CSMD3: variants seen among roughly 807,000 people sequenced by gnomAD.
CSMD3 encodes the protein CUB and Sushi multiple domains 3.
CSMD3 carries 177 observed loss-of-function variants against 435.2 expected under a neutral mutation model. The ratio of observed to expected loss-of-function variants is 0.41; its 90% CI spans 0.36 to 0.46. The LOEUF (loss-of-function observed/expected upper bound fraction) is 0.46. Ranked by LOEUF, CSMD3 falls within the 20% of genes least tolerant of loss-of-function variation. CSMD3 has a pLI of 0.34. For missense variants in CSMD3, 4,265 were observed against 4,504.6 expected, an observed-to-expected ratio of 0.95 and a Z score of 1.52; for synonymous variants, 1,656 against 1,520.5, an observed-to-expected ratio of 1.09 and a Z score of -2.07.
At chr8:112,701,244 T>C (rs1247365896) in intron 13 of CSMD3, among the ~76,000 whole-genome samples, 5 of 152,174 alleles carry the variant, frequency 3.3e-5, no homozygotes, top group Non-Finnish European at 7.4e-5. Flanking sequence ...AACATGGATG[T>C]AATTTCCAGG....
At chr8:112,501,624 G>A (rs971995786) in intron 30 of CSMD3, among the ~76,000 whole-genome samples, 1 of 151,962 alleles carries the variant, frequency 6.6e-6, no homozygotes, top group Non-Finnish European at 1.5e-5. Context: ...AGAATAATTC[G>A]GCAATACAGA....
In CSMD3 at chr8:112,292,476, A is replaced by G. The variant is rs1054343394; in HGVS notation, c.8788+61T>C. The G allele has an allele frequency of 4.5e-6, 7 of 1,540,242 alleles. No homozygotes were observed. In the African/African-American group the frequency reaches 9.5e-5, roughly 21 times the overall value. ...CTGCTCAAGCTGTTTTAAGTGTGTC[A>G]CTGATGTTTATGTGAATATTATTAT... is the stretch of plus-strand genomic sequence containing the variant. On this transcript the variant is annotated intron_variant, in intron 55 of 70. Transcript: ENST00000297405.
At chr8:112,236,300 G>A (rs1353824753) in intron 67 of CSMD3, among the ~76,000 whole-genome samples, 1 of 151,764 alleles carries the variant, frequency 6.6e-6, no homozygotes, top group East Asian at 1.9e-4. Context: ...AAATATCATA[G>A]TGTCTCATTT....
intron 9 of CSMD3, among the ~76,000 whole-genome samples, chr8:112,933,957 AC>A (rs376199662): frequency 4.1e-4 from 63 of 152,142 alleles, no homozygotes; most frequent in African/African-American, 1.5e-3. Flanking sequence ...ATCAGCAACA[AC>A]CTTTTATGAG....
chr8:112,270,587 T>C (rs1817434897), intron 59 of CSMD3, among the ~76,000 whole-genome samples: 1 of 152,158 alleles, frequency 6.6e-6, no homozygotes, highest in African/African-American at 2.4e-5. Context: ...TCTCAGTTCC[T>C]AGCAAAGTGC....
chr8:112,381,207 T>C (rs1217227810), intron 37 of CSMD3, among the ~76,000 whole-genome samples: 1 of 152,204 alleles, frequency 6.6e-6, no homozygotes, highest in East Asian at 1.9e-4. Flanking sequence ...ATGTTTCTTA[T>C]ACCCTGACAG....
chr8:112,815,826 T>G (rs555676110), intron 12 of CSMD3, among the ~76,000 whole-genome samples: 1 of 152,298 alleles, frequency 6.6e-6, no homozygotes, highest in South Asian at 2.1e-4. Context: ...CCACACAGAA[T>G]AAATTATTCC....
chr8:112,239,727 A>G (rs1813937561), intron 66 of CSMD3, among the ~76,000 whole-genome samples: 1 of 152,088 alleles, frequency 6.6e-6, no homozygotes, highest in South Asian at 2.1e-4. Flanking sequence ...TTCCCTTAAC[A>G]TATTTTGAAT....
intron 4 of CSMD3, among the ~76,000 whole-genome samples, chr8:113,126,374 T>C (rs1374514887): frequency 6.6e-6 from 1 of 151,962 alleles, no homozygotes; most frequent in East Asian, 1.9e-4. Context: ...TGAAAATTCA[T>C]GGGCACATAC....
intron 5 of CSMD3, among the ~76,000 whole-genome samples, chr8:113,083,866 C>A (rs1168013296): frequency 2.0e-5 from 3 of 151,894 alleles, no homozygotes; most frequent in Admixed American, 1.3e-4. Context: ...CCCAGTTACT[C>A]AGAAGGCTGA....
At chr8:112,259,206 A>G (rs1816141621) in intron 61 of CSMD3, among the ~76,000 whole-genome samples, 1 of 152,150 alleles carries the variant, frequency 6.6e-6, no homozygotes, top group Non-Finnish European at 1.5e-5. Context: ...TCTATCAATG[A>G]TAGACTGGAT....
chr8:112,698,989 A>G (rs541333351), intron 13 of CSMD3, among the ~76,000 whole-genome samples: 1 of 152,160 alleles, frequency 6.6e-6, no homozygotes, highest in East Asian at 1.9e-4. Flanking sequence ...GCACTCTGTA[A>G]AAACGGACCA....
intron 13 of CSMD3, among the ~76,000 whole-genome samples, chr8:112,771,419 A>C (rs2132197602): frequency 6.6e-6 from 1 of 152,140 alleles, no homozygotes; most frequent in African/African-American, 2.4e-5. Context: ...AATACCTGTA[A>C]TTCCAGCTAC....
At chr8:113,377,908 C>T (rs147298394) in intron 1 of CSMD3, among the ~76,000 whole-genome samples, 23 of 152,098 alleles carry the variant, frequency 1.5e-4, no homozygotes, top group Admixed American at 7.9e-4. Flanking sequence ...ACGAGGAGCA[C>T]GCCTGAAAAT....
At chr8:113,360,004 T>TAC (rs1213334116) in intron 1 of CSMD3, among the ~76,000 whole-genome samples, 9 of 152,206 alleles carry the variant, frequency 5.9e-5, no homozygotes, top group Non-Finnish European at 1.3e-4. Flanking sequence ...AGGTGATGTT[T>TAC]ACACACACAT....
intron 10 of CSMD3, among the ~76,000 whole-genome samples, chr8:112,867,135 A>G (rs182557961): frequency 6.6e-6 from 1 of 152,244 alleles, no homozygotes; most frequent in Admixed American, 6.5e-5. Flanking sequence ...ATGTTGAGAG[A>G]AATGGTGTGA....
chr8:112,288,492 T>G (rs1819436644), intron 57 of CSMD3, among the ~76,000 whole-genome samples: 1 of 152,108 alleles, frequency 6.6e-6, no homozygotes, highest in South Asian at 2.1e-4. Flanking sequence ...AATTTACCAT[T>G]TCACTGCTTT....
chr8:113,072,682 C>T (rs1309550664), intron 5 of CSMD3, among the ~76,000 whole-genome samples: 1 of 151,770 alleles, frequency 6.6e-6, no homozygotes. Flanking sequence ...TCCAATTCCA[C>T]CTTTTCCTAT....
chr8:113,364,237 A>G (rs1195698071), intron 1 of CSMD3, among the ~76,000 whole-genome samples: 1 of 148,322 alleles, frequency 6.7e-6, no homozygotes, highest in African/African-American at 2.6e-5. Flanking sequence ...TAAAGGAATT[A>G]GACTAAATTT....
Sources: allele counts gnomAD v4.1 joint callset (sites outside exome capture counted in the v4.1 genomes callset), GRCh38; gene constraint gnomAD v4.1.1; transcripts MANE v1.5; gene names NCBI Gene and HGNC (gene_info 2026-07-23, HGNC 2026-07-21).